Variants in ELP4 observed in about 807,000 individuals in gnomAD.
ELP4 encodes the protein elongator complex protein 4.
Under a neutral mutation model 48.9 loss-of-function variants are expected in ELP4, and 51 were observed. The observed-to-expected ratio is 1.04, with a 90% CI of 0.83 to 1.32. The LOEUF (loss-of-function observed/expected upper bound fraction) is 1.32. Among genes scored for constraint, ELP4 ranks in the 40% most tolerant of loss-of-function variants. The probability of loss-of-function intolerance (pLI) is 0.00; values close to 1 mark genes in which losing one functional copy is unlikely to be tolerated. For synonymous variants in ELP4, 210 were observed against 189.2 expected (o/e 1.11, Z -0.90); for missense variants, 519 against 514.6 (o/e 1.01, Z -0.08).
chr11:31,685,121 G>T (rs1057354959), intron 9 of ELP4, among the ~76,000 whole-genome samples: 1 of 152,158 alleles, frequency 6.6e-6, no homozygotes, highest in Non-Finnish European at 1.5e-5. Context: ...GGGAGGCCAA[G>T]GCGGGTGGAT....
At chr11:31,534,976 A>T (rs1269330092) in intron 2 of ELP4, among the ~76,000 whole-genome samples, 1 of 152,180 alleles carries the variant, frequency 6.6e-6, no homozygotes, top group African/African-American at 2.4e-5. Context: ...AGTGCTGATC[A>T]TCTCTCCCAT....
intron 5 of ELP4, among the ~76,000 whole-genome samples, chr11:31,622,257 A>G (rs1944638404): frequency 6.6e-6 from 1 of 151,742 alleles, no homozygotes; most frequent in African/African-American, 2.4e-5. Flanking sequence ...CACTGATAAA[A>G]TATTGTCTCC....
chr11:31,672,032 G>A (rs867562752), intron 9 of ELP4, among the ~76,000 whole-genome samples: 2 of 152,008 alleles, frequency 1.3e-5, no homozygotes, highest in Admixed American at 6.6e-5. Context: ...TGTTTTTCTG[G>A]GGGGAGCTTA....
chr11:31,520,328 C>A (rs1956192004), intron 2 of ELP4, among the ~76,000 whole-genome samples: 1 of 152,042 alleles, frequency 6.6e-6, no homozygotes, highest in Admixed American at 6.5e-5. Context: ...GTTCATAGTT[C>A]ATTGTGCTCC....
rs1411515161 is a variant in ELP4, at chr11:31,784,994, TA to T, written c.*1471del. ...TTCTATTTTTTTAGAATGTCGGGTT[TA>T]TTTTTTTCATTTCTTTTAATTCTAA... On this transcript the variant is annotated 3_prime_UTR_variant, in exon 10 of 10. Transcript: ENST00000640961. 1.1e-5 allele frequency: 2 copies of T among 180,580 alleles called. No homozygotes were observed. The highest frequency in any genetic ancestry group is 2.4e-5 in the African/African-American group (1 of 42,458). 11.2% of individuals were successfully genotyped at this position (180,580 alleles called of 1,614,324 possible). A position where few individuals can be genotyped will look rare whatever the true frequency, so the allele number is the denominator to read the frequency against.
intron 9 of ELP4, among the ~76,000 whole-genome samples, chr11:31,681,635 G>A (rs1278021477): frequency 3.3e-5 from 5 of 152,016 alleles, no homozygotes; most frequent in Admixed American, 1.3e-4. Context: ...CGTTTTTGAT[G>A]ATCTGGAAGA....
intron 5 of ELP4, among the ~76,000 whole-genome samples, chr11:31,611,817 G>A (rs1957985807): frequency 6.6e-6 from 1 of 152,164 alleles, no homozygotes; most frequent in Non-Finnish European, 1.5e-5. Flanking sequence ...TATATATGTA[G>A]TTAAATATAA....
At chr11:31,538,181 A>G (rs1592094511) in intron 2 of ELP4, among the ~76,000 whole-genome samples, 1 of 150,910 alleles carries the variant, frequency 6.6e-6, no homozygotes, top group Non-Finnish European at 1.5e-5. Flanking sequence ...TTAGTGTAGT[A>G]TAATTAGTAT....
chr11:31,626,989 C>A, intron 5 of ELP4, 121 bp from the exon 6 acceptor site: 1 of 568,322 alleles, frequency 1.8e-6, no homozygotes. Context: ...ACTGTTTTGA[C>A]ATTCTTAAGT....
intron 9 of ELP4, among the ~76,000 whole-genome samples, chr11:31,655,405 T>G (rs1945411766): frequency 6.6e-6 from 1 of 152,018 alleles, no homozygotes; most frequent in African/African-American, 2.4e-5. Flanking sequence ...TTTAACTAAA[T>G]TATTGTCTTG....
chr11:31,716,541 GTTATTA>G (rs1041764725), intron 9 of ELP4, among the ~76,000 whole-genome samples: 1 of 152,162 alleles, frequency 6.6e-6, no homozygotes, highest in African/African-American at 2.4e-5. Context: ...CCATATAAGT[GTTATTA>G]TTAATATCAA....
chr11:31,759,106 A>G (rs1947892714), intron 9 of ELP4, among the ~76,000 whole-genome samples: 1 of 152,202 alleles, frequency 6.6e-6, no homozygotes, highest in Admixed American at 6.5e-5. Flanking sequence ...ATGACTACAC[A>G]TGCTGAGAAT....
At chr11:31,721,785 A>T (rs1429680015) in intron 9 of ELP4, among the ~76,000 whole-genome samples, 4 of 152,230 alleles carry the variant, frequency 2.6e-5, no homozygotes, top group Non-Finnish European at 5.9e-5. Context: ...CAAACTAAAA[A>T]TGTGTACAAT....
At chr11:31,640,582 A>G (rs1945074685) in intron 7 of ELP4, among the ~76,000 whole-genome samples, 1 of 151,924 alleles carries the variant, frequency 6.6e-6, no homozygotes, top group African/African-American at 2.4e-5. Flanking sequence ...CACCCTATGT[A>G]GTTAATCTTT....
At chr11:31,761,616 G>A (rs1458160667) in intron 9 of ELP4, among the ~76,000 whole-genome samples, 1 of 152,130 alleles carries the variant, frequency 6.6e-6, no homozygotes, top group Non-Finnish European at 1.5e-5. Flanking sequence ...GGGACAGTGG[G>A]GAGATATGCT....
At chr11:31,685,634 A>T (rs1349444459) in intron 9 of ELP4, among the ~76,000 whole-genome samples, 1 of 152,128 alleles carries the variant, frequency 6.6e-6, no homozygotes, top group Non-Finnish European at 1.5e-5. Flanking sequence ...AATAAAGTTT[A>T]TTTTAAAAAT....
chr11:31,742,588 C>G (rs1319799294), intron 9 of ELP4, among the ~76,000 whole-genome samples: 1 of 152,132 alleles, frequency 6.6e-6, no homozygotes, highest in African/African-American at 2.4e-5. Context: ...AGAGTGGGGG[C>G]CAATATTCAA....
intron 3 of ELP4, among the ~76,000 whole-genome samples, chr11:31,553,521 C>T (rs2133931522): frequency 6.6e-6 from 1 of 152,154 alleles, no homozygotes; most frequent in Non-Finnish European, 1.5e-5. Flanking sequence ...AACATCAGCT[C>T]TTCCTGGGTC....
intron 9 of ELP4, among the ~76,000 whole-genome samples, chr11:31,679,312 T>A (rs1016064630): frequency 3.9e-5 from 6 of 152,212 alleles, no homozygotes; most frequent in African/African-American, 9.7e-5. Context: ...CTTTATATTA[T>A]ATCTTGAAGT....
Sources: gnomAD v4.1 joint callset for allele counts (sites outside exome capture counted in the v4.1 genomes callset) on GRCh38, gnomAD v4.1.1 for gene constraint, MANE v1.5 for transcripts, NCBI Gene and HGNC (gene_info 2026-07-23, HGNC 2026-07-21) for gene names.